MACROD2: variants seen among roughly 807,000 people sequenced by gnomAD.
MACROD2 encodes the protein ADP-ribose glycohydrolase MACROD2.
Under a neutral mutation model 70.4 loss-of-function variants are expected in MACROD2, and 36 were observed. The observed-to-expected ratio is 0.51, with a 90% CI of 0.39 to 0.68. The LOEUF (loss-of-function observed/expected upper bound fraction) is 0.68, where lower values mean the gene tolerates loss of function less well. MACROD2 is among the 30% of genes least tolerant of loss of function. MACROD2 has a pLI of 0.00. For missense variants in MACROD2, 496 were observed against 538.4 expected (o/e 0.92, Z 0.78); for synonymous variants, 172 against 178.8 (o/e 0.96, Z 0.30).
intron 15 of MACROD2, among the ~76,000 whole-genome samples, chr20:16,028,322 C>G (rs2067107802): frequency 6.6e-6 from 1 of 151,728 alleles, no homozygotes. Context: ...TCCATGAGGG[C>G]AGAGGTGTGC....
intron 2 of MACROD2, among the ~76,000 whole-genome samples, chr20:14,048,410 A>G (rs937822931): frequency 6.6e-6 from 1 of 152,156 alleles, no homozygotes; most frequent in Non-Finnish European, 1.5e-5. Flanking sequence ...GAGGCCTGAA[A>G]GTCATTTCCT....
chr20:15,760,508 G>A (rs2051419944), intron 8 of MACROD2, among the ~76,000 whole-genome samples: 1 of 152,082 alleles, frequency 6.6e-6, no homozygotes, highest in East Asian at 1.9e-4. Context: ...ATCTCATCTT[G>A]GTCATTGGGA....
chr20:15,839,581 A>G (rs2064149707), intron 8 of MACROD2, among the ~76,000 whole-genome samples: 1 of 152,134 alleles, frequency 6.6e-6, no homozygotes, highest in African/African-American at 2.4e-5. Flanking sequence ...CAGCCCACCT[A>G]TGGTACAAAG....
intron 5 of MACROD2, among the ~76,000 whole-genome samples, chr20:15,008,203 A>G (rs1484480187): frequency 6.6e-6 from 1 of 152,156 alleles, no homozygotes; most frequent in Admixed American, 6.5e-5. Flanking sequence ...TAAAATGGGC[A>G]GGCTTAGTGG....
In MACROD2 at chr20:14,619,554, A is replaced by C. The variant is rs375340949; in HGVS notation, c.302-65289A>C. Among the ~76,000 whole-genome samples, 14 of 49,888 alleles carry C rather than the reference A, an allele frequency of 2.8e-4. No homozygotes were observed. The East Asian group carries it at 7.0e-3, about 25-fold the overall frequency. 32.7% of individuals were successfully genotyped at this position (49,888 alleles called of 152,430 possible). A position where few individuals can be genotyped will look rare whatever the true frequency, so the allele number is the denominator to read the frequency against. On this transcript the variant is annotated intron_variant, in intron 4 of 17. Transcript: ENST00000684519. Reference sequence around the variant, plus strand: ...AGGGAAGGAAGGAAGGAAAGAAGGGAGGGAGGGAGGGGAAGGGAGGGAAAA... The same window carrying C: ...AGGGAAGGAAGGAAGGAAAGAAGGGCGGGAGGGAGGGGAAGGGAGGGAAAA...
intron 9 of MACROD2, among the ~76,000 whole-genome samples, chr20:15,869,226 T>TAG (rs1420373621): frequency 6.1e-5 from 3 of 49,362 alleles, no homozygotes; most frequent in Non-Finnish European, 9.5e-5. Context: ...TATATATATA[T>TAG]ATATATATAT....
At chr20:15,458,619 G>GT (rs981912495) in intron 7 of MACROD2, among the ~76,000 whole-genome samples, 5 of 132,586 alleles carry the variant, frequency 3.8e-5, no homozygotes, top group African/African-American at 8.7e-5. Context: ...CTGTTTTTTT[G>GT]TTTTTTTGTT....
chr20:14,499,592 A>G (rs1381471008), intron 4 of MACROD2, among the ~76,000 whole-genome samples: 1 of 152,096 alleles, frequency 6.6e-6, no homozygotes, highest in Non-Finnish European at 1.5e-5. Context: ...TGGGCGGATA[A>G]GCCTGCTAAA....
At chr20:15,588,204 C>A (rs764888650) in intron 8 of MACROD2, among the ~76,000 whole-genome samples, 42 of 152,226 alleles carry the variant, frequency 2.8e-4, no homozygotes, top group Non-Finnish European at 5.1e-4. Flanking sequence ...CACTCTGAAG[C>A]CACAGCCAGA....
chr20:15,811,476 A>G (rs527429179), intron 8 of MACROD2, among the ~76,000 whole-genome samples: 1 of 152,342 alleles, frequency 6.6e-6, no homozygotes, highest in East Asian at 1.9e-4. Context: ...GCTCCCCTGT[A>G]TTCCTGACAG....
intron 6 of MACROD2, among the ~76,000 whole-genome samples, chr20:15,270,475 T>C (rs549276100): frequency 3.9e-5 from 6 of 152,306 alleles, no homozygotes; most frequent in African/African-American, 1.4e-4. Flanking sequence ...AGGATGTGAC[T>C]GTAAAGGGAG....
chr20:15,329,403 T>C (rs2077967409), intron 6 of MACROD2, among the ~76,000 whole-genome samples: 1 of 151,938 alleles, frequency 6.6e-6, no homozygotes. Context: ...AGGTTATACT[T>C]TCCCAGGTAG....
At chr20:14,613,535 T>A (rs1787431542) in intron 4 of MACROD2, among the ~76,000 whole-genome samples, 1 of 152,060 alleles carries the variant, frequency 6.6e-6, no homozygotes, top group Non-Finnish European at 1.5e-5. Context: ...ACTTGACATC[T>A]ATTTGCAACT....
At chr20:14,387,482 GA>G (rs1329383717) in intron 3 of MACROD2, among the ~76,000 whole-genome samples, 2 of 152,070 alleles carry the variant, frequency 1.3e-5, no homozygotes, top group Non-Finnish European at 2.9e-5. Context: ...GATCCAATAA[GA>G]AAATAGAAAA....
chr20:14,773,868 T>G (rs1453347064), intron 5 of MACROD2, among the ~76,000 whole-genome samples: 2 of 152,102 alleles, frequency 1.3e-5, no homozygotes, highest in African/African-American at 2.4e-5. Context: ...TGTCCTTATG[T>G]GATGTAGCTA....
intron 4 of MACROD2, among the ~76,000 whole-genome samples, chr20:14,609,514 T>A (rs1281539817): frequency 1.3e-5 from 2 of 152,108 alleles, no homozygotes; most frequent in East Asian, 3.9e-4. Flanking sequence ...TTGTGGTGAC[T>A]CAGGAAGTTA....
intron 4 of MACROD2, among the ~76,000 whole-genome samples, chr20:14,593,677 T>C (rs1187616570): frequency 5.3e-5 from 8 of 152,198 alleles, no homozygotes; most frequent in African/African-American, 1.9e-4. Context: ...TATTTACTTA[T>C]TAATTCAACT....
chr20:14,733,125 A>G (rs181545332), intron 5 of MACROD2, among the ~76,000 whole-genome samples: 2 of 152,258 alleles, frequency 1.3e-5, no homozygotes, highest in Admixed American at 1.3e-4. Flanking sequence ...TATTTATAAC[A>G]AGACTGTTTA....
At chr20:14,547,203 T>C in intron 4 of MACROD2, 4 of 493,776 alleles carry the variant, frequency 8.1e-6, no homozygotes, top group Non-Finnish European at 1.2e-5. Flanking sequence ...TCTTATAGGA[T>C]GTAAGCAGTG....
Sources: allele counts gnomAD v4.1 joint callset (sites outside exome capture counted in the v4.1 genomes callset), GRCh38; gene constraint gnomAD v4.1.1; transcripts MANE v1.5; gene names NCBI Gene and HGNC (gene_info 2026-07-23, HGNC 2026-07-21).